DTNBP1: variants seen among roughly 807,000 people sequenced by gnomAD.
DTNBP1 encodes the protein dystrobrevin binding protein 1.
A neutral mutation model predicts 42.8 loss-of-function variants in DTNBP1; 35 were observed. The observed-to-expected ratio is 0.82, with a 90% confidence interval of 0.63 to 1.09. The LOEUF (loss-of-function observed/expected upper bound fraction) is 1.09, where lower values mean the gene tolerates loss of function less well. Ranked by LOEUF, DTNBP1 falls within the 50% of genes least tolerant of loss-of-function variation. The pLI, the probability that DTNBP1 is intolerant of heterozygous loss-of-function variation, is 0.00. For missense variants in DTNBP1, 457 were observed against 424.2 expected, an observed-to-expected ratio of 1.08 and a Z score of -0.68; for synonymous variants, 171 against 162.2, an observed-to-expected ratio of 1.05 and a Z score of -0.41.
intron 7 of DTNBP1, among the ~76,000 whole-genome samples, chr6:15,560,798 A>T (rs981527177): frequency 1.3e-5 from 2 of 152,208 alleles, no homozygotes; most frequent in Non-Finnish European, 2.9e-5. Context: ...TATCCAACTC[A>T]CACAGGTATT....
At chr6:15,630,632 G>A (rs1759638665) in intron 4 of DTNBP1, among the ~76,000 whole-genome samples, 1 of 152,010 alleles carries the variant, frequency 6.6e-6, no homozygotes, top group African/African-American at 2.4e-5. Flanking sequence ...AAAAAGCCTA[G>A]ACAGGCTGGG....
chr6:15,541,531 G>GA (rs1310562191), intron 7 of DTNBP1, among the ~76,000 whole-genome samples: 4 of 151,744 alleles, frequency 2.6e-5, no homozygotes, highest in African/African-American at 4.8e-5. Flanking sequence ...CAGATTAAAA[G>GA]AAAAAAAATC....
chr6:15,539,915 G>A (rs577169849), intron 7 of DTNBP1, among the ~76,000 whole-genome samples: 27 of 152,224 alleles, frequency 1.8e-4, no homozygotes, highest in African/African-American at 5.8e-4. Flanking sequence ...ATACAAGTGC[G>A]GTAAAAACAC....
intron 3 of DTNBP1, among the ~76,000 whole-genome samples, chr6:15,641,216 C>A (rs1017867991): frequency 2.0e-5 from 3 of 151,972 alleles, no homozygotes; most frequent in Non-Finnish European, 4.4e-5. Context: ...GGTGTGTGTG[C>A]GTGTTTTTGT....
chr6:15,586,055 A>G, intron 7 of DTNBP1: 1 of 1,147,038 alleles, frequency 8.7e-7, no homozygotes, highest in Non-Finnish European at 1.1e-6. Context: ...AATGCAGCTC[A>G]AAATGGAGGG....
Position 15,631,778 on chromosome 6 carries a change from T to G in DTNBP1, c.223-4303A>C, listed in dbSNP as rs1759711024. On this transcript the variant is annotated intron_variant, in intron 4 of 9. Coordinates refer to ENST00000344537, the MANE Select transcript of DTNBP1 (RefSeq NM_032122.5). Reference sequence around the variant, plus strand: ...GTTGGATGTAATGCTCTGGAAAAATTCCTAGAAGCAGAATTGTTGCTTGAA... The same window carrying G: ...GTTGGATGTAATGCTCTGGAAAAATGCCTAGAAGCAGAATTGTTGCTTGAA... Among the ~76,000 whole-genome samples the G allele has an allele frequency of 2.0e-5, 3 of 152,156 alleles. No homozygotes were observed. The South Asian group carries it at 6.2e-4, about 31-fold the overall frequency.
intron 6 of DTNBP1, among the ~76,000 whole-genome samples, chr6:15,612,836 T>C (rs1165432044): frequency 6.6e-6 from 1 of 152,240 alleles, no homozygotes; most frequent in Non-Finnish European, 1.5e-5. Context: ...TATAAACATA[T>C]TTCCATGCCT....
intron 1 of DTNBP1, chr6:15,660,235 T>C: frequency 1.4e-6 from 1 of 713,664 alleles, no homozygotes; most frequent in Non-Finnish European, 2.1e-6. Flanking sequence ...GAATTCCACA[T>C]TACCAACATA....
At chr6:15,576,115 A>C (rs1299253209) in intron 7 of DTNBP1, among the ~76,000 whole-genome samples, 2 of 136,498 alleles carry the variant, frequency 1.5e-5, no homozygotes, top group African/African-American at 5.1e-5. Flanking sequence ...GTTGCTATTA[A>C]CTTCTTTTTC....
intron 3 of DTNBP1, among the ~76,000 whole-genome samples, chr6:15,649,754 C>T (rs1404943232): frequency 2.6e-5 from 4 of 152,224 alleles, no homozygotes; most frequent in South Asian, 4.2e-4. Context: ...TGTTTCAGTG[C>T]GATGTATAAA....
At chr6:15,526,390 GT>G (rs1772393804) in intron 8 of DTNBP1, among the ~76,000 whole-genome samples, 1 of 152,242 alleles carries the variant, frequency 6.6e-6, no homozygotes, top group Admixed American at 6.5e-5. Flanking sequence ...CCACAGCGAC[GT>G]GAGATTGCGG....
rs1581451544 is a variant in DTNBP1, at chr6:15,662,721, G to A, written c.56+93C>T. 6.4e-6 allele frequency: 10 copies of A among 1,553,048 alleles called. No homozygotes were observed. In the East Asian group the frequency reaches 2.0e-4, roughly 31 times the overall value. ...GGAGGTGCGGGACAGGACGGACCCT[G>A]GACCGTGGCGCGGGGAAGGGAGCGA... On this transcript the variant is annotated intron_variant, in intron 1 of 9. Coordinates refer to ENST00000344537, the MANE Select transcript of DTNBP1 (RefSeq NM_032122.5).
chr6:15,605,299 T>C lies in DTNBP1; in HGVS notation c.488+9968A>G, dbSNP rs538747072. On this transcript the variant is annotated intron_variant, in intron 6 of 9. Coordinates refer to ENST00000344537, the MANE Select transcript of DTNBP1 (RefSeq NM_032122.5). Reference sequence around the variant, plus strand: ...AGATTAAAAATCTAGAAGGTTGAGATTCTATACTTCCATTTAGCTCTATCT... The same window carrying C: ...AGATTAAAAATCTAGAAGGTTGAGACTCTATACTTCCATTTAGCTCTATCT... Among the ~76,000 whole-genome samples the C allele has an allele frequency of 1.1e-4, 16 of 152,316 alleles. No individual in the cohort carries two copies. In the Middle Eastern group the frequency reaches 0.024, roughly 227 times the overall value.
intron 7 of DTNBP1, among the ~76,000 whole-genome samples, chr6:15,579,489 T>C (rs1039708417): frequency 1.3e-5 from 2 of 152,208 alleles, no homozygotes; most frequent in Non-Finnish European, 2.9e-5. Flanking sequence ...TAACAATTTA[T>C]TGTATATTTT....
intron 7 of DTNBP1, among the ~76,000 whole-genome samples, chr6:15,544,733 T>C (rs1773776244): frequency 6.6e-6 from 1 of 152,248 alleles, no homozygotes; most frequent in South Asian, 2.1e-4. Context: ...ACTGCAAATA[T>C]TCCAAAATCG....
At chr6:15,590,251 T>C (rs977206272) in intron 7 of DTNBP1, among the ~76,000 whole-genome samples, 2 of 152,148 alleles carry the variant, frequency 1.3e-5, no homozygotes, top group African/African-American at 4.8e-5. Flanking sequence ...ACACTTCTGA[T>C]TTTCAATTCG....
chr6:15,597,725 C>T (rs1336484252), intron 6 of DTNBP1, among the ~76,000 whole-genome samples: 3 of 152,256 alleles, frequency 2.0e-5, no homozygotes, highest in East Asian at 1.9e-4. Context: ...TTCCATCCTG[C>T]ATCACATGCG....
rs528964332 is a variant in DTNBP1 at position 15,524,158 on chromosome 6, AAG to A, written c.811+366_811+367del. 227 of 1,424,726 alleles carry A rather than the reference AAG, an allele frequency of 1.6e-4. 1 individual carries two copies. In the South Asian group the frequency reaches 2.5e-3, roughly 16 times the overall value. 88.3% of individuals were successfully genotyped at this position (1,424,726 alleles called of 1,614,324 possible). ...CTAAATGCCTGTCGCACGAAGAGGG[AAG>A]AGTTTCCCGTGAGCCCCGCAGGAGA... On this transcript the variant is annotated intron_variant, in intron 9 of 9. Coordinates refer to ENST00000344537, the MANE Select transcript of DTNBP1 (RefSeq NM_032122.5).
At chr6:15,584,739 G>C (rs1348899458) in intron 7 of DTNBP1, among the ~76,000 whole-genome samples, 1 of 120,724 alleles carries the variant, frequency 8.3e-6, no homozygotes, top group African/African-American at 3.2e-5. Flanking sequence ...CATTTACAGA[G>C]AAGTGGCTTC....
Sources: allele counts gnomAD v4.1 joint callset (sites outside exome capture counted in the v4.1 genomes callset), GRCh38; gene constraint gnomAD v4.1.1; transcripts MANE v1.5; gene names NCBI Gene and HGNC (gene_info 2026-07-23, HGNC 2026-07-21).